Variants in KCNJ12 observed in about 807,000 individuals in gnomAD.
KCNJ12 encodes the protein potassium inwardly rectifying channel subfamily J member 12, also known as ATP-sensitive inward rectifier potassium channel 12.
A neutral mutation model predicts 22.3 loss-of-function variants in KCNJ12; 2 were observed. The ratio of observed to expected loss-of-function variants is 0.09; its 90% confidence interval spans 0.04 to 0.28. The LOEUF is 0.28. Ranked by LOEUF, KCNJ12 falls within the 10% of genes least tolerant of loss-of-function variation. The probability of loss-of-function intolerance (pLI) is 1.00; values close to 1 mark genes in which losing one functional copy is unlikely to be tolerated. For missense variants in KCNJ12, 155 were observed against 633.3 expected, an observed-to-expected ratio of 0.24 and a Z score of 8.11; for synonymous variants, 117 against 261.4, an observed-to-expected ratio of 0.45 and a Z score of 5.33.
At chr17:21,396,464 G>A (rs928532236) in intron 1 of KCNJ12, among the ~76,000 whole-genome samples, 1 of 152,170 alleles carries the variant, frequency 6.6e-6, no homozygotes, top group African/African-American at 2.4e-5. Flanking sequence ...GCCCATCCCA[G>A]TCCTCCAAGG....
intron 1 of KCNJ12, among the ~76,000 whole-genome samples, chr17:21,402,349 TG>T (rs1905665916): frequency 1.0e-5 from 1 of 96,602 alleles, no homozygotes; most frequent in Non-Finnish European, 2.2e-5. Context: ...TTCCTCAGCC[TG>T]TTTTTTTTTG....
chr17:21,400,554 A>G (rs1187398452), intron 1 of KCNJ12, among the ~76,000 whole-genome samples: 1 of 152,302 alleles, frequency 6.6e-6, no homozygotes, highest in East Asian at 1.9e-4. Context: ...TGCTCAGGAA[A>G]GACTTGTTTA....
At chr17:21,381,667 C>A (rs1398393795) in intron 1 of KCNJ12, among the ~76,000 whole-genome samples, 1 of 152,212 alleles carries the variant, frequency 6.6e-6, no homozygotes, top group Non-Finnish European at 1.5e-5. Flanking sequence ...CCCTGATTCC[C>A]CTGTGGGACA....
At chr17:21,383,731 A>G (rs1904966720) in intron 1 of KCNJ12, among the ~76,000 whole-genome samples, 1 of 151,882 alleles carries the variant, frequency 6.6e-6, no homozygotes, top group Admixed American at 6.6e-5. Flanking sequence ...GAGGTCAGGT[A>G]TTTGCGTGGT....
intron 2 of KCNJ12, among the ~76,000 whole-genome samples, chr17:21,412,397 C>G (rs1189595376): frequency 1.4e-3 from 208 of 151,498 alleles, no homozygotes; most frequent in Admixed American, 2.2e-3. Context: ...GCAGACCGGG[C>G]TCTCTGGCCT....
chr17:21,387,927 C>T (rs1023655827), intron 1 of KCNJ12, among the ~76,000 whole-genome samples: 3 of 152,094 alleles, frequency 2.0e-5, no homozygotes, highest in African/African-American at 4.8e-5. Context: ...CCCCGAGGGT[C>T]GTGCTGGTTG....
intron 1 of KCNJ12, among the ~76,000 whole-genome samples, chr17:21,402,738 A>G (rs1467757016): frequency 4.6e-5 from 7 of 152,306 alleles, no homozygotes; most frequent in African/African-American, 1.7e-4. Context: ...CAGAGAGCAG[A>G]CAGGTTATGG....
At chr17:21,396,562 G>A (rs933492736) in intron 1 of KCNJ12, among the ~76,000 whole-genome samples, 2 of 152,082 alleles carry the variant, frequency 1.3e-5, no homozygotes, top group South Asian at 2.1e-4. Flanking sequence ...AGCTTGGTTC[G>A]CACCGGTCTC....
chr17:21,405,631 G>A (rs547840168), intron 1 of KCNJ12, among the ~76,000 whole-genome samples: 6 of 152,390 alleles, frequency 3.9e-5, no homozygotes, highest in Non-Finnish European at 8.8e-5. Context: ...CCTCCCCTGC[G>A]GGACGCTGTG....
chr17:21,385,804 C>T lies in KCNJ12; in HGVS notation c.-179+8891C>T, dbSNP rs183842788. 2.4e-3 allele frequency among the ~76,000 whole-genome samples: 368 copies of T among 152,354 alleles called. 4 individuals carry two copies. Among genetic ancestry groups the T allele is most frequent in the Admixed American group, 8.4e-3 (128 of 15,306 alleles). ...TCTTGGTGGCCTTAGGACCAGCTGC[C>T]GCTGGGTGGGGATGCCCCAGATCAA... On this transcript the variant is annotated intron_variant, in intron 1 of 2. Coordinates refer to ENST00000583088, the MANE Select transcript of KCNJ12 (RefSeq NM_021012.5).
chr17:21,394,386 A>T (rs1905284273), intron 1 of KCNJ12, among the ~76,000 whole-genome samples: 1 of 152,230 alleles, frequency 6.6e-6, no homozygotes, highest in Non-Finnish European at 1.5e-5. Context: ...CTGGGTGTGC[A>T]GTAGGCTGTA....
At chr17:21,412,645 C>A (rs1484508965) in intron 2 of KCNJ12, among the ~76,000 whole-genome samples, 1 of 152,304 alleles carries the variant, frequency 6.6e-6, no homozygotes, top group Non-Finnish European at 1.5e-5. Context: ...CCCCTGCTGC[C>A]GGCTCCCTAC....
chr17:21,389,506 G>A (rs1555559074), intron 1 of KCNJ12, among the ~76,000 whole-genome samples: 1 of 152,218 alleles, frequency 6.6e-6, no homozygotes, highest in African/African-American at 2.4e-5. Flanking sequence ...CGCAGTTTGT[G>A]GTGGCGGCAG....
At chr17:21,384,292 T>A (rs1555558390) in intron 1 of KCNJ12, among the ~76,000 whole-genome samples, 1 of 152,202 alleles carries the variant, frequency 6.6e-6, no homozygotes, top group African/African-American at 2.4e-5. Context: ...AGGATCTTTG[T>A]GGCATCTGAA....
chr17:21,386,032 C>T (rs749848391), intron 1 of KCNJ12, among the ~76,000 whole-genome samples: 1 of 152,200 alleles, frequency 6.6e-6, no homozygotes, highest in African/African-American at 2.4e-5. Context: ...TAAAGAAAGC[C>T]GAGGCAGGGA....
chr17:21,392,212 CACCACTGG>C (rs536682174), intron 1 of KCNJ12, among the ~76,000 whole-genome samples: 3 of 152,290 alleles, frequency 2.0e-5, no homozygotes, highest in East Asian at 3.9e-4. Context: ...CTGCACACAG[CACCACTGG>C]ACCACTGGAC....
At chr17:21,379,222 G>C (rs1191522548) in intron 1 of KCNJ12, among the ~76,000 whole-genome samples, 1 of 152,246 alleles carries the variant, frequency 6.6e-6, no homozygotes, top group Non-Finnish European at 1.5e-5. Context: ...TCTCTGCCTA[G>C]CCAGGCCTCC....
chr17:21,404,180 T>C (rs1352519236), intron 1 of KCNJ12, among the ~76,000 whole-genome samples: 2 of 152,146 alleles, frequency 1.3e-5, no homozygotes, highest in African/African-American at 4.8e-5. Flanking sequence ...GCCCCCTGGT[T>C]TGCACACAGT....
intron 1 of KCNJ12, among the ~76,000 whole-genome samples, chr17:21,390,279 C>T (rs1170187000): frequency 1.3e-5 from 2 of 152,236 alleles, no homozygotes; most frequent in Non-Finnish European, 2.9e-5. Flanking sequence ...TGCACTACAC[C>T]CTGGTTGGGA....
Sources: allele counts gnomAD v4.1 joint callset (sites outside exome capture counted in the v4.1 genomes callset), GRCh38; gene constraint gnomAD v4.1.1; transcripts MANE v1.5; gene names NCBI Gene and HGNC (gene_info 2026-07-23, HGNC 2026-07-21).